Variants in ECT2L observed in about 807,000 individuals in gnomAD.
ECT2L encodes the protein epithelial cell transforming 2 like.
Under a neutral mutation model 122.8 loss-of-function variants are expected in ECT2L, and 126 were observed. That is an observed-to-expected ratio of 1.03 (90% CI 0.89 to 1.19). The LOEUF (loss-of-function observed/expected upper bound fraction) is 1.19, where lower values mean the gene tolerates loss of function less well. Ranked by LOEUF, ECT2L falls within the 50% of genes most tolerant of loss-of-function variation. The probability of loss-of-function intolerance (pLI) is 0.00; values close to 1 mark genes in which losing one functional copy is unlikely to be tolerated. For missense variants in ECT2L, 1,012 were observed against 1,064.1 expected (o/e 0.95, Z 0.68); for synonymous variants, 385 against 381.8 (o/e 1.01, Z -0.10).
At chr6:138,864,546 A>G (rs1219850929) in intron 11 of ECT2L, among the ~76,000 whole-genome samples, 1 of 152,214 alleles carries the variant, frequency 6.6e-6, no homozygotes, top group African/African-American at 2.4e-5. Flanking sequence ...AATTTAAGAA[A>G]GATAAGGATT....
chr6:138,823,175 T>C lies in ECT2L; in HGVS notation c.179+8572T>C. On this transcript the variant is annotated intron_variant, in intron 4 of 21. Coordinates refer to ENST00000541398, the MANE Select transcript of ECT2L (RefSeq NM_001077706.3). ...TAGACAGATATGTGGCAGTAACTAA[T>C]GTCCCCAGCCAATCAGGAGTGGGAA... 5 of 1,367,312 alleles carry C rather than the reference T, an allele frequency of 3.7e-6. 1 individual carries two copies. The highest frequency in any genetic ancestry group is 3.6e-5 in the South Asian group (3 of 82,418). The allele number at this position is 1,367,312 out of a possible 1,614,324, so 84.7% of individuals were successfully genotyped here. A position where few individuals can be genotyped will look rare whatever the true frequency, so the allele number is the denominator to read the frequency against.
chr6:138,876,125 GAA>G (rs546586706), intron 13 of ECT2L, among the ~76,000 whole-genome samples: 2 of 131,748 alleles, frequency 1.5e-5, no homozygotes, highest in African/African-American at 5.6e-5. Context: ...TCAAGAAAAA[GAA>G]AAAAAAAAAA....
At chr6:138,881,286 C>A in intron 15 of ECT2L, 115 bp downstream of exon 15, 1 of 1,033,078 alleles carries the variant, frequency 9.7e-7, no homozygotes, top group Non-Finnish European at 1.4e-6. Context: ...TCTTAGGGAC[C>A]CTGATTATAG....
At chr6:138,874,187 C>A (rs182693979) in intron 13 of ECT2L, among the ~76,000 whole-genome samples, 1 of 152,190 alleles carries the variant, frequency 6.6e-6, no homozygotes, top group Admixed American at 6.5e-5. Flanking sequence ...TCTGCCCATG[C>A]TCCATCCTAG....
rs1229720855 is a variant in ECT2L at position 138,844,457 on chromosome 6, G to T, written c.641G>T (p.Cys214Phe). 1 of 1,614,036 alleles carries T rather than the reference G, an allele frequency of 6.2e-7. No individual in the cohort carries two copies. The highest frequency in any genetic ancestry group is 1.3e-5 in the African/African-American group (1 of 74,922). ...VRPPWVSGTC[C>F]SSVLKPRCQP... ...CCCCCTTGGGTGAGTGGAACTTGCTGCTCTAGCGTGCTAAAGCCCAGATGC... is the reference window on the plus strand; with the variant it reads ...CCCCCTTGGGTGAGTGGAACTTGCTTCTCTAGCGTGCTAAAGCCCAGATGC... Residue 214 changes from cysteine (C) to phenylalanine (F), a missense_variant, in exon 7 of 22, where the codon TGC becomes TTC. Coordinates refer to ENST00000541398, the MANE Select transcript of ECT2L (RefSeq NM_001077706.3).
chr6:138,879,751 G>A (rs756447698), intron 14 of ECT2L, among the ~76,000 whole-genome samples: 12 of 152,016 alleles, frequency 7.9e-5, no homozygotes, highest in South Asian at 2.1e-4. Flanking sequence ...TCAAGAGATC[G>A]AGAACATTCT....
intron 9 of ECT2L, among the ~76,000 whole-genome samples, chr6:138,853,168 A>C (rs1296235505): frequency 6.6e-6 from 1 of 152,056 alleles, no homozygotes; most frequent in Non-Finnish European, 1.5e-5. Flanking sequence ...GGGTTTCACC[A>C]TATTGGCCAG....
Position 138,869,979 on chromosome 6 carries a change from G to C in ECT2L, c.1578+1773G>C, listed in dbSNP as rs1359861772. ...TTGTTGAGAACCAAGAGTACATATG[G>C]TAACTGGAATATGAGATGAACTAGA... On this transcript the variant is annotated intron_variant, in intron 13 of 21. Transcript: ENST00000541398. Among the ~76,000 whole-genome samples, 3 of 152,142 alleles carry C rather than the reference G, an allele frequency of 2.0e-5. No individual in the cohort carries two copies. In the East Asian group the frequency reaches 5.8e-4, roughly 29 times the overall value.
intron 12 of ECT2L, among the ~76,000 whole-genome samples, chr6:138,866,183 CTT>C (rs1375939498): frequency 7.3e-6 from 1 of 137,206 alleles, no homozygotes; most frequent in East Asian, 2.1e-4. Flanking sequence ...GAGTTTTGCT[CTT>C]GTCCCCAGGC....
At chr6:138,885,417 A>T in intron 16 of ECT2L, 89 bp from the exon 17 acceptor site, 1 of 1,305,352 alleles carries the variant, frequency 7.7e-7, no homozygotes, top group Non-Finnish European at 1.1e-6. Context: ...CTTTTGCTTC[A>T]GGCATTCCAT....
chr6:138,890,428 A>C (rs1350790937), intron 20 of ECT2L, among the ~76,000 whole-genome samples: 4 of 151,566 alleles, frequency 2.6e-5, no homozygotes, highest in Non-Finnish European at 4.4e-5. Context: ...TAGATCTTAA[A>C]TGAAAATCAA....
rs1156321193 is a variant in ECT2L, at chr6:138,903,578, G to A, written c.*951G>A. On this transcript the variant is annotated 3_prime_UTR_variant, in exon 22 of 22. Transcript: ENST00000541398. The stretch of plus-strand genomic sequence containing the variant: ...TATTTTTGACATTGTTAAATTAGAA[G>A]GCTATTTTTAAAAAGCATATTTTAA... The A allele has an allele frequency of 2.0e-5, 3 of 152,048 alleles. No homozygotes were observed. The highest frequency in any genetic ancestry group is 4.4e-5 in the Non-Finnish European group (3 of 68,016). The allele number at this position is 152,048 out of a possible 1,614,324, so 9.4% of individuals were successfully genotyped here.
intron 4 of ECT2L, among the ~76,000 whole-genome samples, chr6:138,824,567 A>C (rs12202876): frequency 2.4e-5 from 3 of 126,616 alleles, no homozygotes; most frequent in Non-Finnish European, 3.4e-5. Context: ...ATAAAAAAAA[A>C]CAAAAAACAA....
At chr6:138,890,044 T>A (rs2128411053) in intron 20 of ECT2L, among the ~76,000 whole-genome samples, 1 of 152,302 alleles carries the variant, frequency 6.6e-6, no homozygotes, top group South Asian at 2.1e-4. Context: ...TATGTTCCAA[T>A]TAAACTTCAT....
chr6:138,894,351 G>A (rs763359921), intron 20 of ECT2L, among the ~76,000 whole-genome samples: 27 of 152,024 alleles, frequency 1.8e-4, no homozygotes, highest in Non-Finnish European at 3.4e-4. Context: ...CACCACACCC[G>A]GCCTACAACT....
intron 4 of ECT2L, among the ~76,000 whole-genome samples, chr6:138,820,180 G>T (rs1285230391): frequency 6.6e-6 from 1 of 152,202 alleles, no homozygotes; most frequent in Non-Finnish European, 1.5e-5. Context: ...GTGGGTCAGG[G>T]TTGGACTAAA....
In ECT2L at chr6:138,899,122, G is replaced by A. The variant is rs780550599; in HGVS notation, c.2415-1826G>A. 3.3e-5 allele frequency among the ~76,000 whole-genome samples: 5 copies of A among 151,412 alleles called. No homozygotes were observed. The South Asian group carries it at 1.0e-3, about 32-fold the overall frequency. ...GGACTTTGTTTCTATGTAAGAAATC[G>A]TTTGTTGCAACATTCACAGTGGCAA... On this transcript the variant is annotated intron_variant, in intron 20 of 21. Transcript: ENST00000541398.
At chr6:138,887,717 C>T (rs558092760) in intron 19 of ECT2L, among the ~76,000 whole-genome samples, 1 of 152,334 alleles carries the variant, frequency 6.6e-6, no homozygotes, top group African/African-American at 2.4e-5. Flanking sequence ...GATCCACTCA[C>T]GATTCTCTAA....
In ECT2L at chr6:138,884,507, G is replaced by A. The variant is rs373544230; in HGVS notation, c.2029-999G>A. On this transcript the variant is annotated intron_variant, in intron 16 of 21. Coordinates refer to ENST00000541398, the MANE Select transcript of ECT2L (RefSeq NM_001077706.3). ...ACAAAAATTAGCCAGGCATGGTGGC[G>A]GGCACCTGTAATCCTAGCTACTTGG... is the stretch of plus-strand genomic sequence containing the variant. Among the ~76,000 whole-genome samples, 158 of 151,922 alleles carry A rather than the reference G, an allele frequency of 1.0e-3. 4 individuals carry two copies. In the South Asian group the frequency reaches 0.025, roughly 24 times the overall value.
Sources: gnomAD v4.1 joint callset for allele counts (sites outside exome capture counted in the v4.1 genomes callset) on GRCh38, gnomAD v4.1.1 for gene constraint, MANE v1.5 for transcripts, NCBI Gene and HGNC (gene_info 2026-07-23, HGNC 2026-07-21) for gene names.